TIMP4: variants seen among roughly 807,000 people sequenced by gnomAD.
TIMP4 encodes TIMP metallopeptidase inhibitor 4.
In TIMP4, 28 loss-of-function variants were observed where a neutral mutation model predicts 27.3. The ratio of observed to expected loss-of-function variants is 1.03; its 90% CI spans 0.76 to 1.41. The LOEUF is 1.41. TIMP4 is among the 40% of genes most tolerant of loss of function. The probability of loss-of-function intolerance (pLI) is 0.00; values close to 1 mark genes in which losing one functional copy is unlikely to be tolerated. For synonymous variants in TIMP4, 138 were observed against 115.5 expected, an observed-to-expected ratio of 1.20 and a Z score of -1.25; for missense variants, 307 against 285.5, an observed-to-expected ratio of 1.08 and a Z score of -0.54.
At chr3:12,157,090 C>T (rs1574867852) in intron 2 of TIMP4, among the ~76,000 whole-genome samples, 156 bp from the exon 3 acceptor site, 1 of 150,120 alleles carries the variant, frequency 6.7e-6, no homozygotes, top group African/African-American at 2.5e-5. Flanking sequence ...TATTTTCTCT[C>T]TTAAAACAAA....
Position 12,153,156 on chromosome 3 carries a change from T to C in TIMP4, c.*359A>G, listed in dbSNP as rs1037945198. The stretch of plus-strand genomic sequence containing the variant: ...TACATCGCAAGGATATACCATCTCA[T>C]GTGTATGACATTCGCCATTTCTCCC... On this transcript the variant is annotated 3_prime_UTR_variant, in exon 5 of 5. Coordinates refer to ENST00000287814, the MANE Select transcript of TIMP4 (RefSeq NM_003256.4). 1.4e-5 allele frequency: 5 copies of C among 351,396 alleles called. No homozygotes were observed. Among genetic ancestry groups the C allele is most frequent in the Non-Finnish European group, 2.8e-5 (5 of 181,630 alleles). The allele number at this position is 351,396 out of a possible 1,614,324, so 21.8% of individuals were successfully genotyped here. A position where few individuals can be genotyped will look rare whatever the true frequency, so the allele number is the denominator to read the frequency against.
intron 3 of TIMP4, among the ~76,000 whole-genome samples, chr3:12,155,261 G>A (rs1697421538): frequency 6.6e-6 from 1 of 152,222 alleles, no homozygotes; most frequent in African/African-American, 2.4e-5. Context: ...TTAGAAATGA[G>A]TAGGGTAGAT....
chr3:12,156,967 G>T (rs1234117753), intron 2 of TIMP4, 33 bp from the exon 3 acceptor site: 3 of 1,489,836 alleles, frequency 2.0e-6, no homozygotes, highest in Non-Finnish European at 1.9e-6. Context: ...GGCAATATTG[G>T]GTCAGTGAGT....
Position 12,153,697 on chromosome 3 carries a change from T to G in TIMP4, c.493A>C (p.Thr165Pro). ...GGGGCCGAGATGGTACAGGGTACTG[T>G]GTAGCAGGTGGTGATCTAGAGTCAT... Reference protein sequence around the residue: ...NCGCQITTCYTVPCTISAPNE... With the variant: ...NCGCQITTCYPVPCTISAPNE... The change falls in exon 5 of 5, where the codon ACA becomes CCA. Residue 165 changes from threonine (T) to proline (P), a missense_variant. Transcript: ENST00000287814. 6.2e-7 allele frequency: 1 copy of G among 1,614,214 alleles called. No homozygotes were observed. Among genetic ancestry groups the G allele is most frequent in the Non-Finnish European group, 8.5e-7 (1 of 1,180,034 alleles).
intron 1 of TIMP4, 127 bp from the exon 2 acceptor site, chr3:12,157,609 G>A: frequency 2.5e-6 from 2 of 811,350 alleles, no homozygotes; most frequent in African/African-American, 3.4e-5. Flanking sequence ...GCTGGGTTGT[G>A]AGCAACGTGA....
At chr3:12,158,087 G>T (rs538903718) in intron 1 of TIMP4, among the ~76,000 whole-genome samples, 1 of 152,088 alleles carries the variant, frequency 6.6e-6, no homozygotes, top group African/African-American at 2.4e-5. Context: ...GAGTGCACAC[G>T]TGTAAAGAAC....
At position 12,158,688 on chromosome 3, in the gene TIMP4, G is replaced by A. The variant is rs201382686; in HGVS notation, c.139+14C>T. On this transcript the variant is annotated intron_variant, in intron 1 of 4. Coordinates refer to ENST00000287814, the MANE Select transcript of TIMP4 (RefSeq NM_003256.4). ...ACCACCCCCTGCTGTGGACCTCGCG[G>A]ACCTCGGACTCACCAAGTGCCGAGT... 3.1e-5 allele frequency: 50 copies of A among 1,609,544 alleles called. No individual in the cohort carries two copies. Among genetic ancestry groups the A allele is most frequent in the Admixed American group, 6.7e-5 (4 of 59,972 alleles).
Position 12,156,761 on chromosome 3 carries a change from C to T in TIMP4, c.352+59G>A, listed in dbSNP as rs149621171. The T allele has an allele frequency of 4.2e-4, 603 of 1,420,728 alleles. 6 individuals are homozygous for T. In the East Asian group the frequency reaches 0.013, roughly 30 times the overall value. The allele number at this position is 1,420,728 out of a possible 1,614,324, so 88.0% of individuals were successfully genotyped here. On this transcript the variant is annotated intron_variant, in intron 3 of 4. Transcript: ENST00000287814. ...AAGGAAGACCCTGGCTCCTTTCTCA[C>T]TACCTCCCCTAGGGCAGAATCTATT... is the stretch of plus-strand genomic sequence containing the variant.
chr3:12,157,554 A>T, intron 1 of TIMP4, 72 bp from the exon 2 acceptor site: 2 of 1,473,964 alleles, frequency 1.4e-6, no homozygotes, highest in South Asian at 2.3e-5. Flanking sequence ...TGGATGATCC[A>T]GGGTCCATGA....
At chr3:12,154,555 T>A in intron 3 of TIMP4, 104 bp from the exon 4 acceptor site, 1 of 1,353,446 alleles carries the variant, frequency 7.4e-7, no homozygotes, top group Non-Finnish European at 1.0e-6. Context: ...CCCAATGACT[T>A]TGGTGGCAGT....
intron 4 of TIMP4, 79 bp downstream of exon 4, chr3:12,154,248 G>A: frequency 6.3e-7 from 1 of 1,590,034 alleles, no homozygotes; most frequent in Non-Finnish European, 8.6e-7. Context: ...AGTCTAGTAA[G>A]TGAATAAATT....
rs1697533878 is a variant in TIMP4, at chr3:12,158,632, T to C, written c.139+70A>G. On this transcript the variant is annotated intron_variant, in intron 1 of 4. Coordinates refer to ENST00000287814, the MANE Select transcript of TIMP4 (RefSeq NM_003256.4). ...CCTCCCTTTTCCTCTGGACTCCTGGTGTACTGCTGGCCAGATACTAATCCC... is the reference window on the plus strand; with the variant it reads ...CCTCCCTTTTCCTCTGGACTCCTGGCGTACTGCTGGCCAGATACTAATCCC... The C allele has an allele frequency of 3.4e-5, 54 of 1,587,506 alleles. No individual in the cohort carries two copies. The East Asian group carries it at 1.2e-3, about 35-fold the overall frequency.
rs962937858 is a variant in TIMP4 at position 12,153,074 on chromosome 3, T to A, written c.*441A>T. The A allele has an allele frequency of 8.4e-6, 2 of 236,944 alleles. No individual in the cohort carries two copies. Among genetic ancestry groups the A allele is most frequent in the African/African-American group, 2.2e-5 (1 of 45,692 alleles). The allele number at this position is 236,944 out of a possible 1,614,324, so 14.7% of individuals were successfully genotyped here. On this transcript the variant is annotated 3_prime_UTR_variant, in exon 5 of 5. Coordinates refer to ENST00000287814, the MANE Select transcript of TIMP4 (RefSeq NM_003256.4). ...GATACACAGCCACAGTATGTTCTTG[T>A]TTTCATTCCTGCCAGTCAGCCTGTT...
At chr3:12,156,493 A>G (rs947346321) in intron 3 of TIMP4, among the ~76,000 whole-genome samples, 2 of 152,194 alleles carry the variant, frequency 1.3e-5, no homozygotes, top group African/African-American at 4.8e-5. Context: ...TAGAGAGGAG[A>G]CTTCGACTCA....
chr3:12,153,712 T>A lies in TIMP4; in HGVS notation c.478A>T (p.Ile160Phe). Reference protein sequence around the residue: ...HHYHLNCGCQITTCYTVPCTI... With the variant: ...HHYHLNCGCQFTTCYTVPCTI... Reference sequence around the variant, plus strand: ...CAGGGTACTGTGTAGCAGGTGGTGATCTAGAGTCATGGCCACACAACATTA... The same window carrying A: ...CAGGGTACTGTGTAGCAGGTGGTGAACTAGAGTCATGGCCACACAACATTA... Residue 160 changes from isoleucine to phenylalanine, a missense_variant and splice_region_variant, in exon 5 of 5, where the codon ATC becomes TTC. Physicochemically the swap from Ile to Phe is conservative, Grantham distance 21. Coordinates refer to ENST00000287814, the MANE Select transcript of TIMP4 (RefSeq NM_003256.4). 1 of 1,614,186 alleles carries A rather than the reference T, an allele frequency of 6.2e-7. No individual in the cohort carries two copies. The highest frequency in any genetic ancestry group is 8.5e-7 in the Non-Finnish European group (1 of 1,180,028).
In TIMP4 at chr3:12,156,109, T is replaced by C. The variant is rs140931980; in HGVS notation, c.352+711A>G. Among the ~76,000 whole-genome samples, 597 of 152,358 alleles carry C rather than the reference T, an allele frequency of 3.9e-3. 1 individual carries two copies. The highest frequency in any genetic ancestry group is 6.5e-3 in the Non-Finnish European group (445 of 68,032). The stretch of plus-strand genomic sequence containing the variant: ...ATGGCAGTGACTAAGTGGTCATTCA[T>C]TGCTGAATGTGTGGATAGATCGTGG... On this transcript the variant is annotated intron_variant, in intron 3 of 4. Transcript: ENST00000287814.
intron 3 of TIMP4, 23 bp from the exon 4 acceptor site, chr3:12,154,474 G>A (rs1311127998): frequency 6.2e-7 from 1 of 1,613,192 alleles, no homozygotes; most frequent in African/African-American, 1.3e-5. Flanking sequence ...ATGGAGGAGA[G>A]TCAAGCATCA....
At chr3:12,158,401 T>A (rs1489708610) in intron 1 of TIMP4, among the ~76,000 whole-genome samples, 1 of 152,132 alleles carries the variant, frequency 6.6e-6, no homozygotes, top group Admixed American at 6.5e-5. Flanking sequence ...TTCAGAATAA[T>A]CATCAGATAG....
In TIMP4 at chr3:12,156,940, AG is replaced by A. The variant is rs1180478479; in HGVS notation, c.238-7del. The A allele has an allele frequency of 5.0e-6, 8 of 1,608,442 alleles. No individual in the cohort carries two copies. Among genetic ancestry groups the A allele is most frequent in the Non-Finnish European group, 6.8e-6 (8 of 1,175,034 alleles). On this transcript the variant is annotated splice_region_variant and splice_polypyrimidine_tract_variant and intron_variant, in intron 2 of 4. Transcript: ENST00000287814. ...TTCTCAAACCCTTTGAACATCTGACAGGCAATTACAAAAAAAGGCAATATTG... is the reference window on the plus strand; with the variant it reads ...TTCTCAAACCCTTTGAACATCTGACAGCAATTACAAAAAAAGGCAATATTG...
Sources: allele counts gnomAD v4.1 joint callset (sites outside exome capture counted in the v4.1 genomes callset), GRCh38; gene constraint gnomAD v4.1.1; transcripts MANE v1.5; gene names NCBI Gene and HGNC (gene_info 2026-07-23, HGNC 2026-07-21).